DIDO1: variants seen among roughly 807,000 people sequenced by gnomAD.
The protein encoded by DIDO1 is death inducer-obliterator 1.
Under a neutral mutation model 99.4 loss-of-function variants are expected in DIDO1, and 16 were observed. The ratio of observed to expected loss-of-function variants is 0.16; its 90% confidence interval spans 0.11 to 0.24. The LOEUF (loss-of-function observed/expected upper bound fraction) is 0.24, where lower values mean the gene tolerates loss of function less well. Ranked by LOEUF, DIDO1 falls within the 10% of genes least tolerant of loss-of-function variation. DIDO1 has a pLI of 1.00. For missense variants in DIDO1, 2,996 were observed against 3,014.0 expected (o/e 0.99, Z 0.14); for synonymous variants, 1,366 against 1,239.1 (o/e 1.10, Z -2.15).
At position 62,882,174 on chromosome 20, in the gene DIDO1, G is replaced by A; in HGVS notation, c.3782C>T (p.Pro1261Leu). 1.2e-6 allele frequency: 2 copies of A among 1,613,250 alleles called. No individual in the cohort carries two copies. Among genetic ancestry groups the A allele is most frequent in the South Asian group, 1.1e-5 (1 of 91,084 alleles). The change falls in exon 16 of 16, where the codon CCG becomes CTG. Residue 1261 changes from proline to leucine, a missense_variant. Physicochemically the swap from Pro to Leu is moderately conservative, Grantham distance 98 (BLOSUM62 -3). Transcript: ENST00000395343. ...AAVSTTPPGS[P>L]PPPPPLPEPP... ...TTCTGGAAGAGGGGGCGGAGGCGGC[G>A]GCGACCCAGGAGGTGTGGTGCTGAC...
At chr20:62,934,854 C>A (rs1158454836) in intron 1 of DIDO1, among the ~76,000 whole-genome samples, 7 of 152,210 alleles carry the variant, frequency 4.6e-5, no homozygotes, top group African/African-American at 1.7e-4. Flanking sequence ...CCTTTGAAGC[C>A]CCTGGTTCTT....
chr20:62,919,955 G>A (rs1180765192), intron 1 of DIDO1, among the ~76,000 whole-genome samples: 47 of 152,322 alleles, frequency 3.1e-4, no homozygotes, highest in Non-Finnish European at 2.9e-5. Flanking sequence ...TCTATTTAAT[G>A]GCTGGACATA....
At chr20:62,910,066 A>G in intron 3 of DIDO1, 46 bp from the exon 4 acceptor site, 1 of 1,570,508 alleles carries the variant, frequency 6.4e-7, no homozygotes. Context: ...GTGAGTGACA[A>G]GCACTTTTCA....
chr20:62,900,054 A>C (rs1022184751), intron 6 of DIDO1, among the ~76,000 whole-genome samples: 1 of 152,100 alleles, frequency 6.6e-6, no homozygotes, highest in African/African-American at 2.4e-5. Flanking sequence ...CCCAGGAAAA[A>C]ACCCCACTGC....
chr20:62,906,432 G>C (rs1184020749), intron 5 of DIDO1, among the ~76,000 whole-genome samples: 1 of 152,184 alleles, frequency 6.6e-6, no homozygotes, highest in African/African-American at 2.4e-5. Flanking sequence ...CAAGATGACA[G>C]GAGGAGTGCG....
At chr20:62,936,554 C>A (rs369797951) in intron 1 of DIDO1, among the ~76,000 whole-genome samples, 38 of 145,134 alleles carry the variant, frequency 2.6e-4, no homozygotes, top group Admixed American at 2.8e-4. Flanking sequence ...GACTCCTTCT[C>A]AAAAAATAGA....
At position 62,911,496 on chromosome 20, in the gene DIDO1, G is replaced by T. The variant is rs142272291; in HGVS notation, c.117C>A (p.Gly39=). The T allele has an allele frequency of 1.9e-6, 3 of 1,612,664 alleles. No individual in the cohort carries two copies. The South Asian group carries it at 3.3e-5, about 18-fold the overall frequency. ...FRRTTIAKRE[G]AGDAEADPLE... is the part of the protein sequence containing the mutation. The stretch of plus-strand genomic sequence containing the variant: ...GTGGGTCAGCCTCCGCGTCCCCTGC[G>T]CCCTCTCGCTTGGCGATAGTGGTCC... The change falls in exon 3 of 16, where the codon GGC becomes GGA. Residue 39 remains glycine (G), a synonymous_variant. Coordinates refer to ENST00000395343, the MANE Select transcript of DIDO1 (RefSeq NM_001193369.2). The surrounding 1 kb of genome is among the most constrained non-coding windows in gnomAD (Gnocchi z 7.0).
At position 62,896,923 on chromosome 20, in the gene DIDO1, G is replaced by A; in HGVS notation, c.1662C>T (p.Gly554=). The A allele has an allele frequency of 4.3e-6, 7 of 1,614,084 alleles. No individual in the cohort carries two copies. Among genetic ancestry groups the A allele is most frequent in the Non-Finnish European group, 5.9e-6 (7 of 1,179,970 alleles). ...GTGCAGGCTGCTTGCCCACCGCGGAGCCTGGAGGGGCTGTTTTCTTTGAGG... is the reference window on the plus strand; with the variant it reads ...GTGCAGGCTGCTTGCCCACCGCGGAACCTGGAGGGGCTGTTTTCTTTGAGG... ...MAASKKTAPP[G]SAVGKQPAPR... is the part of the protein sequence containing the mutation. The change falls in exon 7 of 16, where the codon GGC becomes GGT. Residue 554 remains glycine, a synonymous_variant. Coordinates refer to ENST00000395343, the MANE Select transcript of DIDO1 (RefSeq NM_001193369.2). The surrounding 1 kb of genome is among the most constrained non-coding windows in gnomAD (Gnocchi z 4.4).
chr20:62,879,250 T>G lies in DIDO1; in HGVS notation c.6706A>C (p.Thr2236Pro). 1 of 1,537,836 alleles carries G rather than the reference T, an allele frequency of 6.5e-7. No homozygotes were observed. Among genetic ancestry groups the G allele is most frequent in the South Asian group, 1.2e-5 (1 of 81,366 alleles). ...PEASRASDAG[T>P]ASQA ...CGGGGCGTCTAGGCCTGCGAGGCGGTGCCAGCGTCGGAGGCCCTCGAGGCC... is the reference window on the plus strand; with the variant it reads ...CGGGGCGTCTAGGCCTGCGAGGCGGGGCCAGCGTCGGAGGCCCTCGAGGCC... The change falls in exon 16 of 16, where the codon ACC (threonine) becomes CCC (proline). Residue 2236 changes from threonine to proline, a missense_variant. Thr to Pro is a conservative substitution (Grantham distance 38, BLOSUM62 -1). Around this residue, in one of 5 missense-constraint regions of DIDO1, gnomAD observed 1,562 missense variants for 1,412.6 expected, o/e 1.11. Coordinates refer to ENST00000395343, the MANE Select transcript of DIDO1 (RefSeq NM_001193369.2). This position sits in a 1 kb window ranked among gnomAD's most constrained non-coding sequence, Gnocchi z 6.3.
intron 15 of DIDO1, chr20:62,889,193 G>A (rs1311783900): frequency 2.0e-6 from 2 of 985,538 alleles, no homozygotes; most frequent in Non-Finnish European, 2.4e-6. Flanking sequence ...GGTGCCATCC[G>A]GGAGGTGCTG....
intron 1 of DIDO1, among the ~76,000 whole-genome samples, chr20:62,922,748 G>C (rs1008254297): frequency 3.3e-5 from 5 of 152,244 alleles, no homozygotes; most frequent in African/African-American, 1.2e-4. Flanking sequence ...GGCTTGGAGA[G>C]AAAGGCCCTC....
intron 6 of DIDO1, among the ~76,000 whole-genome samples, chr20:62,901,315 A>C (rs1481030389): frequency 1.3e-5 from 2 of 152,160 alleles, no homozygotes; most frequent in African/African-American, 2.4e-5. Flanking sequence ...TTCCAACTTA[A>C]TGGAGAGGTG....
chr20:62,895,896 C>T (rs1007355086), intron 8 of DIDO1, among the ~76,000 whole-genome samples: 1 of 152,232 alleles, frequency 6.6e-6, no homozygotes, highest in Non-Finnish European at 1.5e-5. Flanking sequence ...CACCCTCATA[C>T]ACTGGGATGA....
chr20:62,890,354 C>T (rs2064372451), intron 15 of DIDO1: 1 of 986,604 alleles, frequency 1.0e-6, no homozygotes, highest in African/African-American at 1.7e-5. Context: ...ACCCTCAACC[C>T]TTGACAAAGA....
At chr20:62,884,329 A>G (rs999275626) in intron 15 of DIDO1, among the ~76,000 whole-genome samples, 10 of 152,254 alleles carry the variant, frequency 6.6e-5, no homozygotes, top group Admixed American at 1.3e-4. Flanking sequence ...AAAGGGGAAT[A>G]TAAAAACCCA....
chr20:62,920,203 G>A (rs1292720102), intron 1 of DIDO1, among the ~76,000 whole-genome samples: 1 of 152,188 alleles, frequency 6.6e-6, no homozygotes, highest in African/African-American at 2.4e-5. Flanking sequence ...CCATGTGAGT[G>A]GGGTGCGCTG....
rs141656907 is a variant in DIDO1 at position 62,895,598 on chromosome 20, C to T, written c.2215-433G>A. 5.9e-5 allele frequency among the ~76,000 whole-genome samples: 9 copies of T among 152,330 alleles called. No individual in the cohort carries two copies. The East Asian group carries it at 1.3e-3, about 23-fold the overall frequency. On this transcript the variant is annotated intron_variant, in intron 8 of 15. Transcript: ENST00000395343. ...GCTGTTCAATGGTGAGATGCAAAGT[C>T]AGGGTATTTCATTATCCTAAAATTC... is the stretch of plus-strand genomic sequence containing the variant.
At chr20:62,901,028 C>T (rs532182001) in intron 6 of DIDO1, among the ~76,000 whole-genome samples, 1 of 152,224 alleles carries the variant, frequency 6.6e-6, no homozygotes, top group African/African-American at 2.4e-5. Context: ...AAGGTGGCAG[C>T]GGCAAGAGAA....
chr20:62,889,995 G>A lies in DIDO1; in HGVS notation c.3541+965C>T, dbSNP rs933918094. 10 of 985,432 alleles carry A rather than the reference G, an allele frequency of 1.0e-5. No individual in the cohort carries two copies. The African/African-American group carries it at 1.7e-4, about 17-fold the overall frequency. 61.0% of individuals were successfully genotyped at this position (985,432 alleles called of 1,614,324 possible). A position where few individuals can be genotyped will look rare whatever the true frequency, so the allele number is the denominator to read the frequency against. ...GGGCGACAGAAGTCCCGCCCAAGATGTGGAGTGGCCCCTACAGGACCCCAG... is the reference window on the plus strand; with the variant it reads ...GGGCGACAGAAGTCCCGCCCAAGATATGGAGTGGCCCCTACAGGACCCCAG... On this transcript the variant is annotated intron_variant, in intron 15 of 15. Transcript: ENST00000395343.
Sources: allele counts gnomAD v4.1 joint callset (sites outside exome capture counted in the v4.1 genomes callset), GRCh38; gene constraint gnomAD v4.1.1; regional missense constraint gnomAD v4.1.1; non-coding constraint Gnocchi (gnomAD v3.1); transcripts MANE v1.5; gene names NCBI Gene and HGNC (gene_info 2026-07-23, HGNC 2026-07-21).